Variants in KIF13B observed in about 807,000 individuals in gnomAD.
KIF13B encodes the protein kinesin-like protein KIF13B.
A neutral mutation model predicts 222.0 loss-of-function variants in KIF13B; 127 were observed. The observed-to-expected ratio is 0.57, with a 90% confidence interval of 0.50 to 0.66. KIF13B has a LOEUF of 0.66. Among genes scored for constraint, KIF13B ranks in the 30% least tolerant of loss-of-function variants. The probability of loss-of-function intolerance (pLI) is 0.00; values close to 1 mark genes in which losing one functional copy is unlikely to be tolerated. For synonymous variants in KIF13B, 976 were observed against 919.0 expected, an observed-to-expected ratio of 1.06 and a Z score of -1.12; for missense variants, 2,173 against 2,379.0, an observed-to-expected ratio of 0.91 and a Z score of 1.80.
intron 21 of KIF13B, chr8:29,138,407 A>T (rs1810659785): frequency 6.9e-6 from 1 of 145,338 alleles, no homozygotes; most frequent in South Asian, 2.2e-4. Context: ...TTTCTATACA[A>T]ATTATCTCTG....
At position 29,244,044 on chromosome 8, in the gene KIF13B, C is replaced by T. The variant is rs577999340; in HGVS notation, c.149+1302G>A. On this transcript the variant is annotated intron_variant, in intron 2 of 39. Coordinates refer to ENST00000524189, the MANE Select transcript of KIF13B (RefSeq NM_015254.4). ...TTTCTTTTTTTTTGAGACGGAGTCT[C>T]GCTCTGTCGCCCAGGCTGGAGTGCA... Among the ~76,000 whole-genome samples, 7 of 152,170 alleles carry T rather than the reference C, an allele frequency of 4.6e-5. No homozygotes were observed. In the South Asian group the frequency reaches 1.2e-3, roughly 27 times the overall value.
intron 2 of KIF13B, among the ~76,000 whole-genome samples, chr8:29,236,674 G>A (rs74536399): frequency 6.6e-6 from 1 of 151,968 alleles, no homozygotes; most frequent in Non-Finnish European, 1.5e-5. Flanking sequence ...TATAAATTAC[G>A]TTTGATAGAA....
At chr8:29,240,327 G>C (rs1188713914) in intron 2 of KIF13B, among the ~76,000 whole-genome samples, 1 of 130,498 alleles carries the variant, frequency 7.7e-6, no homozygotes, top group Non-Finnish European at 1.7e-5. Context: ...CCGCAGCAGG[G>C]AAAAAAAAAA....
At chr8:29,223,768 T>C (rs1425944939) in intron 2 of KIF13B, among the ~76,000 whole-genome samples, 1 of 152,218 alleles carries the variant, frequency 6.6e-6, no homozygotes, top group Non-Finnish European at 1.5e-5. Context: ...CTCGGCTCAC[T>C]GCAACCTCCA....
At chr8:29,240,211 G>T (rs2130628524) in intron 2 of KIF13B, among the ~76,000 whole-genome samples, 1 of 151,090 alleles carries the variant, frequency 6.6e-6, no homozygotes, top group Admixed American at 6.6e-5. Flanking sequence ...TCACCCTTCT[G>T]GCCTTTCACT....
At chr8:29,194,644 T>C (rs1451762757) in intron 3 of KIF13B, among the ~76,000 whole-genome samples, 1 of 152,214 alleles carries the variant, frequency 6.6e-6, no homozygotes, top group African/African-American at 2.4e-5. Flanking sequence ...CTTTAAGGCT[T>C]AGCAATTTCG....
In KIF13B at chr8:29,196,126, GA is replaced by G. The variant is rs1813407080; in HGVS notation, c.162+60del. On this transcript the variant is annotated intron_variant, in intron 3 of 39. Coordinates refer to ENST00000524189, the MANE Select transcript of KIF13B (RefSeq NM_015254.4). ...TCCTTTTTGAGAAGAAAACTTCTAA[GA>G]GTTCAACAACATGCATATAAGATCT... 3.0e-6 allele frequency: 4 copies of G among 1,342,046 alleles called. No homozygotes were observed. The Admixed American group carries it at 9.7e-5, about 33-fold the overall frequency. 83.1% of individuals were successfully genotyped at this position (1,342,046 alleles called of 1,614,324 possible).
intron 2 of KIF13B, among the ~76,000 whole-genome samples, chr8:29,233,013 G>A (rs527523207): frequency 2.3e-4 from 35 of 152,240 alleles, no homozygotes; most frequent in African/African-American, 7.9e-4. Flanking sequence ...AAAATTAGCC[G>A]AGCATGGTGG....
chr8:29,188,609 T>A lies in KIF13B; in HGVS notation c.224-2A>T. The A allele has an allele frequency of 1.3e-6, 2 of 1,584,922 alleles. No homozygotes were observed. The highest frequency in any genetic ancestry group is 1.7e-6 in the Non-Finnish European group (2 of 1,158,358). On this transcript the variant is annotated splice_acceptor_variant, in intron 4 of 39. Coordinates refer to ENST00000524189, the MANE Select transcript of KIF13B (RefSeq NM_015254.4). LOFTEE classifies it high-confidence loss of function. ...GGCACTTGAAAACAATATCTTGACC[T>A]GAGAGAGAGAGAATAAGAGAAAAGA...
chr8:29,145,875 T>A (rs1204181143), intron 18 of KIF13B: 1 of 152,754 alleles, frequency 6.5e-6, no homozygotes, highest in East Asian at 1.9e-4. Flanking sequence ...GTGATGGGAC[T>A]TTCCCCCTAC....
intron 6 of KIF13B, among the ~76,000 whole-genome samples, chr8:29,183,272 C>A (rs529055783): frequency 6.6e-6 from 1 of 150,542 alleles, no homozygotes; most frequent in East Asian, 2.0e-4. Flanking sequence ...CTGCCTCATC[C>A]TCCCGAATAG....
intron 3 of KIF13B, among the ~76,000 whole-genome samples, chr8:29,195,684 C>T (rs1813386349): frequency 6.6e-6 from 1 of 152,162 alleles, no homozygotes; most frequent in Admixed American, 6.5e-5. Context: ...AAGCATGTTC[C>T]CTTGAGGCGG....
In KIF13B at chr8:29,071,162, G is replaced by A. The variant is rs1478349222; in HGVS notation, c.5219-396C>T. On this transcript the variant is annotated intron_variant, in intron 39 of 39. Transcript: ENST00000524189. This position sits in a 1 kb window ranked among gnomAD's most constrained non-coding sequence, Gnocchi z 4.9. ...GACCCAGGCCTGGGCTGGGTGGCGG[G>A]AGAATGGTTCTTTTGCTGAATCTAT... Among the ~76,000 whole-genome samples the A allele has an allele frequency of 2.6e-5, 4 of 152,218 alleles. No homozygotes were observed. The East Asian group carries it at 5.8e-4, about 22-fold the overall frequency.
intron 37 of KIF13B, among the ~76,000 whole-genome samples, chr8:29,076,444 C>T (rs1406125652): frequency 1.3e-5 from 2 of 152,260 alleles, no homozygotes; most frequent in Non-Finnish European, 2.9e-5. Context: ...CTCGGCAGTC[C>T]TGGTGCTTTG....
intron 37 of KIF13B, among the ~76,000 whole-genome samples, chr8:29,091,104 T>C (rs2133543773): frequency 6.6e-6 from 1 of 152,310 alleles, no homozygotes; most frequent in African/African-American, 2.4e-5. Flanking sequence ...AAACAATAAA[T>C]GAACAGACTG....
Position 29,072,059 on chromosome 8 carries a change from C to T in KIF13B, c.4779G>A (p.Gly1593=), listed in dbSNP as rs1158158846. 1 of 1,306,806 alleles carries T rather than the reference C, an allele frequency of 7.7e-7. No individual in the cohort carries two copies. Among genetic ancestry groups the T allele is most frequent in the Non-Finnish European group, 9.7e-7 (1 of 1,028,024 alleles). 81.0% of individuals were successfully genotyped at this position (1,306,806 alleles called of 1,614,324 possible). A position where few individuals can be genotyped will look rare whatever the true frequency, so the allele number is the denominator to read the frequency against. Reference sequence around the variant, plus strand: ...CGGCCTCAGGGGCGGTGGGCATGGACCCCGGCGGGGCCGCAGCGTCCAGGC... The same window carrying T: ...CGGCCTCAGGGGCGGTGGGCATGGATCCCGGCGGGGCCGCAGCGTCCAGGC... ...GPGLDAAAPP[G]SMPTAPEAEP... The change falls in exon 39 of 40, where the codon GGG becomes GGA. Residue 1593 remains glycine (G), a synonymous_variant. Transcript: ENST00000524189.
At chr8:29,186,163 G>A (rs2130313401) in intron 6 of KIF13B, 129 bp downstream of exon 6, 1 of 668,718 alleles carries the variant, frequency 1.5e-6, no homozygotes, top group African/African-American at 1.8e-5. Context: ...AGCTATGATT[G>A]TGCCACTGCA....
intron 1 of KIF13B, among the ~76,000 whole-genome samples, chr8:29,256,573 T>C (rs751708692): frequency 1.3e-5 from 2 of 152,246 alleles, no homozygotes; most frequent in African/African-American, 2.4e-5. Flanking sequence ...TCAAGACTTA[T>C]GCTTCCAGTT....
At chr8:29,211,298 A>C (rs1814212439) in intron 2 of KIF13B, among the ~76,000 whole-genome samples, 1 of 152,246 alleles carries the variant, frequency 6.6e-6, no homozygotes, top group East Asian at 1.9e-4. Context: ...TCCTGCCATA[A>C]ACAGCAAGAA....
Sources: allele counts gnomAD v4.1 joint callset (sites outside exome capture counted in the v4.1 genomes callset), GRCh38; gene constraint gnomAD v4.1.1; non-coding constraint Gnocchi (gnomAD v3.1); transcripts MANE v1.5; gene names NCBI Gene and HGNC (gene_info 2026-07-23, HGNC 2026-07-21).